Variants in SRPX2 observed in about 807,000 individuals in gnomAD.
The protein encoded by SRPX2 is sushi repeat containing protein X-linked 2, also known as sushi repeat-containing protein SRPX2.
Under a neutral mutation model 45.3 loss-of-function variants are expected in SRPX2, and 26 were observed. The observed-to-expected ratio is 0.57, with a 90% CI of 0.42 to 0.80. SRPX2 has a LOEUF of 0.80. Ranked by LOEUF, SRPX2 falls within the 30% of genes least tolerant of loss-of-function variation. SRPX2 has a pLI of 0.00. For missense variants in SRPX2, 355 were observed against 399.8 expected (o/e 0.89, Z 0.95); for synonymous variants, 125 against 143.7 (o/e 0.87, Z 0.93).
At chrX:100,659,484 T>C (rs1045060844) in intron 3 of SRPX2, among the ~76,000 whole-genome samples, 2 of 111,989 alleles carry the variant, frequency 1.8e-5, no homozygotes, top group Admixed American at 9.5e-5. Flanking sequence ...CGATATAGAA[T>C]GGGAGTGATT....
At chrX:100,657,600 G>A (rs1204257358) in intron 3 of SRPX2, among the ~76,000 whole-genome samples, 1 of 108,979 alleles carries the variant, frequency 9.2e-6, no homozygotes, top group African/African-American at 3.3e-5. Flanking sequence ...ATCCGCCTGC[G>A]GAGGCCTCCC....
At chrX:100,657,349 C>CTTTTTTTTTGTTTTTTTTTTTT (rs2083173015) in intron 3 of SRPX2, among the ~76,000 whole-genome samples, 1 of 28,417 alleles carries the variant, frequency 3.5e-5, no homozygotes, top group African/African-American at 1.0e-4. Flanking sequence ...TTATTTATGT[C>CTTTTTTTTTGTTTTTTTTTTTT]TTTTTTTTTT....
At chrX:100,649,360 C>G (rs547289941) in intron 2 of SRPX2, 1 of 109,533 alleles carries the variant, frequency 9.1e-6, no homozygotes, top group African/African-American at 3.4e-5. Context: ...TTCCATGACC[C>G]GCCCCCCGAC....
chrX:100,659,927 G>T (rs1390663733), intron 3 of SRPX2, among the ~76,000 whole-genome samples: 2 of 108,580 alleles, frequency 1.8e-5, no homozygotes, highest in African/African-American at 3.4e-5. Flanking sequence ...CCCTCTGCTT[G>T]TTTATATGTG....
At position 100,661,778 on chromosome X, in the gene SRPX2, A is replaced by G. The variant is rs111585098; in HGVS notation, c.164-398A>G. On this transcript the variant is annotated intron_variant, in intron 3 of 10. Coordinates refer to ENST00000373004, the MANE Select transcript of SRPX2 (RefSeq NM_014467.3). ...GTGAGACTCCGTCTCAAAAAAACAA[A>G]TTTTAATTTTTCTTTTATTAATTCT... Among the ~76,000 whole-genome samples the G allele has an allele frequency of 9.4e-3, 1,042 of 111,365 alleles. 13 individuals carry two copies. Among genetic ancestry groups the G allele is most frequent in the African/African-American group, 0.033 (1,005 of 30,632 alleles).
chrX:100,661,932 G>GTTTTTTTTTTTTTTT (rs1209941951), intron 3 of SRPX2, among the ~76,000 whole-genome samples: 1 of 93,194 alleles, frequency 1.1e-5, no homozygotes, highest in African/African-American at 4.2e-5. Context: ...GTCGAGGTGG[G>GTTTTTTTTTTTTTTT]GTTTTTTTTT....
intron 10 of SRPX2, among the ~76,000 whole-genome samples, chrX:100,670,193 C>T (rs924612385): frequency 2.7e-5 from 3 of 111,500 alleles, no homozygotes; most frequent in African/African-American, 9.8e-5. Context: ...CAGTATCACC[C>T]TTCTAATGCC....
chrX:100,650,899 T>C (rs1255753555), intron 3 of SRPX2, 34 bp downstream of exon 3: 2 of 1,139,137 alleles, frequency 1.8e-6, no homozygotes, highest in Non-Finnish European at 2.4e-6. Flanking sequence ...CCAGAAAATC[T>C]CTTTTCTGGC....
chrX:100,669,380 G>C lies in SRPX2; in HGVS notation c.1217+11G>C. On this transcript the variant is annotated intron_variant, in intron 10 of 10. Coordinates refer to ENST00000373004, the MANE Select transcript of SRPX2 (RefSeq NM_014467.3). ...CATCGAGGAGCTCAGGTCCAGGCTG[G>C]GAGGCTGCCAAACTTGGGGGGAGGG... 1 of 952,125 alleles carries C rather than the reference G, an allele frequency of 1.1e-6. No individual in the cohort carries two copies. The highest frequency in any genetic ancestry group is 1.4e-6 in the Non-Finnish European group (1 of 726,332). The allele number at this position is 952,125 out of a possible 1,213,427, so 78.5% of individuals were successfully genotyped here.
intron 3 of SRPX2, among the ~76,000 whole-genome samples, chrX:100,659,676 T>G (rs745318688): frequency 5.4e-5 from 6 of 111,560 alleles, no homozygotes; most frequent in Non-Finnish European, 1.1e-4. Context: ...GAGTAGTGTT[T>G]ACTGAAGAAA....
At chrX:100,663,373 G>T (rs2083194093) in intron 4 of SRPX2, among the ~76,000 whole-genome samples, 1 of 111,769 alleles carries the variant, frequency 8.9e-6, no homozygotes, top group Non-Finnish European at 1.9e-5. Context: ...CCTACAATGA[G>T]TCAATTACTA....
At chrX:100,669,208 G>A (rs1182920640) in intron 9 of SRPX2, 40 bp from the exon 10 acceptor site, 7 of 1,206,907 alleles carry the variant, frequency 5.8e-6, no homozygotes, top group African/African-American at 3.5e-5. Flanking sequence ...AGGTTTGAAC[G>A]CACAGCTCTG....
intron 3 of SRPX2, 90 bp downstream of exon 3, chrX:100,650,955 C>T (rs2083151214): frequency 2.8e-6 from 2 of 723,471 alleles, no homozygotes; most frequent in Admixed American, 5.0e-5. Flanking sequence ...AGGCTTGGCT[C>T]ACATGTGTCA....
At chrX:100,668,327 C>CA (rs1267822417) in intron 9 of SRPX2, among the ~76,000 whole-genome samples, 383 of 34,317 alleles carry the variant, frequency 0.011, 7 homozygotes, top group African/African-American at 0.038. Context: ...AGCAGTTTTA[C>CA]AAAAAAAAAA....
chrX:100,650,712 G>T, intron 2 of SRPX2, 73 bp from the exon 3 acceptor site: 1 of 1,005,445 alleles, frequency 9.9e-7, no homozygotes, highest in Non-Finnish European at 1.4e-6. Context: ...AAAGTTGGAT[G>T]AGAGGGGGAA....
Position 100,664,942 on chromosome X carries a change from T to C in SRPX2, c.524T>C (p.Val175Ala), listed in dbSNP as rs1156814794. The C allele has an allele frequency of 8.3e-7, 1 of 1,209,043 alleles. No individual in the cohort carries two copies. Among genetic ancestry groups the C allele is most frequent in the Non-Finnish European group, 1.1e-6 (1 of 895,135 alleles). ...GGGAGATGGAGTGGAGGCGAGCCTG[T>C]ATGTGTAGGTAAATGCTGGTTGCTC... ...EDGRWSGGEP[V>A]CVDIDPPKIR... Residue 175 changes from valine (V) to alanine (A), a missense_variant, in exon 5 of 11, where the codon GTA (valine) becomes GCA (alanine). Transcript: ENST00000373004.
chrX:100,660,105 T>C (rs2083182491), intron 3 of SRPX2, among the ~76,000 whole-genome samples: 3 of 112,135 alleles, frequency 2.7e-5, no homozygotes, highest in Non-Finnish European at 5.6e-5. Context: ...GATGTCACAT[T>C]CCCTTCCTCT....
At chrX:100,655,182 A>G (rs950251015) in intron 3 of SRPX2, among the ~76,000 whole-genome samples, 1 of 112,316 alleles carries the variant, frequency 8.9e-6, no homozygotes, top group African/African-American at 3.2e-5. Flanking sequence ...TGTATTTTAT[A>G]AATGTTATTT....
chrX:100,658,698 G>T (rs764958475), intron 3 of SRPX2, among the ~76,000 whole-genome samples: 4 of 112,024 alleles, frequency 3.6e-5, no homozygotes, highest in African/African-American at 1.3e-4. Context: ...ATTGCTTTGA[G>T]CAATATGGTC....
Sources: gnomAD v4.1 joint callset for allele counts (sites outside exome capture counted in the v4.1 genomes callset) on GRCh38, gnomAD v4.1.1 for gene constraint, MANE v1.5 for transcripts, NCBI Gene and HGNC (gene_info 2026-07-23, HGNC 2026-07-21) for gene names.